The following IL1RAPL2 variants were observed in gnomAD, a reference collection of about 807,000 sequenced individuals.
The protein encoded by IL1RAPL2 is X-linked interleukin-1 receptor accessory protein-like 2.
In IL1RAPL2, 3 loss-of-function variants were observed where a neutral mutation model predicts 44.1. The observed-to-expected ratio is 0.07, with a 90% CI of 0.03 to 0.18. The LOEUF is 0.18. Among genes scored for constraint, IL1RAPL2 ranks in the 10% least tolerant of loss-of-function variants. IL1RAPL2 has a pLI of 1.00. For synonymous variants in IL1RAPL2, 181 were observed against 178.8 expected, an observed-to-expected ratio of 1.01 and a Z score of -0.10; for missense variants, 391 against 496.4, an observed-to-expected ratio of 0.79 and a Z score of 2.02.
chrX:104,761,917 CCTTCTCCTT>C (rs1569309875), intron 2 of IL1RAPL2, among the ~76,000 whole-genome samples: 33 of 30,817 alleles, frequency 1.1e-3, no homozygotes, highest in East Asian at 2.4e-3. Context: ...TTCTCCTTCT[CCTTCTCCTT>C]CTTCTTCTTC....
intron 6 of IL1RAPL2, among the ~76,000 whole-genome samples, chrX:105,584,951 C>T (rs777185066): frequency 3.6e-5 from 4 of 110,389 alleles, no homozygotes; most frequent in East Asian, 2.9e-4. Flanking sequence ...TTCAGTCTTT[C>T]GTCCTTCTGT....
At chrX:105,480,791 G>C (rs1248743557) in intron 5 of IL1RAPL2, among the ~76,000 whole-genome samples, 1 of 112,126 alleles carries the variant, frequency 8.9e-6, no homozygotes, top group Non-Finnish European at 1.9e-5. Context: ...ATGCACTCTA[G>C]CTAATCTGCA....
intron 3 of IL1RAPL2, among the ~76,000 whole-genome samples, chrX:105,231,511 T>C: frequency 8.9e-6 from 1 of 112,072 alleles, no homozygotes; most frequent in East Asian, 2.8e-4. Context: ...AAAAATAACA[T>C]GTCTCTCAAA....
chrX:104,842,569 T>C (rs1770067264), intron 2 of IL1RAPL2, among the ~76,000 whole-genome samples: 1 of 112,090 alleles, frequency 8.9e-6, no homozygotes, highest in Non-Finnish European at 1.9e-5. Context: ...TTGGATGCGG[T>C]ATTTGTGGGA....
chrX:104,737,044 A>C (rs1932024996), intron 2 of IL1RAPL2, among the ~76,000 whole-genome samples: 1 of 112,763 alleles, frequency 8.9e-6, no homozygotes, highest in African/African-American at 3.2e-5. Flanking sequence ...CAAAAGAACA[A>C]GAATTCTTTA....
intron 5 of IL1RAPL2, among the ~76,000 whole-genome samples, chrX:105,416,373 G>T (rs1276212064): frequency 9.0e-6 from 1 of 111,625 alleles, no homozygotes; most frequent in African/African-American, 3.3e-5. Flanking sequence ...TCTGTGCCTT[G>T]TCTAATCATC....
At chrX:104,766,833 G>A (rs1396582729) in intron 2 of IL1RAPL2, among the ~76,000 whole-genome samples, 4 of 111,991 alleles carry the variant, frequency 3.6e-5, no homozygotes, top group Non-Finnish European at 7.5e-5. Flanking sequence ...GCCAAGGTTC[G>A]TTTCTATTTT....
At chrX:105,292,191 C>A (rs1027180489) in intron 5 of IL1RAPL2, among the ~76,000 whole-genome samples, 6 of 111,922 alleles carry the variant, frequency 5.4e-5, no homozygotes, top group Admixed American at 9.5e-5. Context: ...TTCCAGATAA[C>A]CAATGTATGT....
chrX:105,338,923 A>C (rs111292714), intron 5 of IL1RAPL2, among the ~76,000 whole-genome samples: 6,753 of 110,529 alleles, frequency 0.061, 495 homozygotes, highest in African/African-American at 0.21. Context: ...AACGTGGTGA[A>C]ACCCTGTGTC....
At chrX:104,673,318 C>A (rs2147532782) in intron 2 of IL1RAPL2, among the ~76,000 whole-genome samples, 1 of 111,260 alleles carries the variant, frequency 9.0e-6, no homozygotes, top group African/African-American at 3.3e-5. Context: ...GTACATATGG[C>A]TAGCCAGTTT....
chrX:104,822,003 G>A (rs1215981925), intron 2 of IL1RAPL2, among the ~76,000 whole-genome samples: 1 of 112,321 alleles, frequency 8.9e-6, no homozygotes, highest in Non-Finnish European at 1.9e-5. Context: ...CAGTGATGAT[G>A]AGCTTCTTTT....
intron 6 of IL1RAPL2, among the ~76,000 whole-genome samples, chrX:105,701,796 T>C (rs774646980): frequency 8.9e-6 from 1 of 112,095 alleles, no homozygotes; most frequent in East Asian, 2.8e-4. Context: ...TGTGTTGTTG[T>C]TGATGGTTGT....
chrX:104,880,223 A>G (rs1923025923), intron 2 of IL1RAPL2, among the ~76,000 whole-genome samples: 2 of 111,580 alleles, frequency 1.8e-5, no homozygotes, highest in South Asian at 7.5e-4. Flanking sequence ...AATTGGGGAC[A>G]TATGGCCTTA....
rs1472538632 is a variant in IL1RAPL2 at position 104,987,869 on chromosome X, G to C, written c.83-207606G>C. Among the ~76,000 whole-genome samples the C allele has an allele frequency of 2.7e-5, 3 of 111,714 alleles. No individual in the cohort carries two copies. In the East Asian group the frequency reaches 8.4e-4, roughly 31 times the overall value. ...GTCTCCCCAGGCAAGAGGTATGGTA[G>C]CACAGCTCCCTCAAGTAAAGCATGT... On this transcript the variant is annotated intron_variant, in intron 2 of 10. Coordinates refer to ENST00000372582, the MANE Select transcript of IL1RAPL2 (RefSeq NM_017416.2).
chrX:105,356,160 GTA>G (rs374832724), intron 5 of IL1RAPL2, among the ~76,000 whole-genome samples: 4 of 99,392 alleles, frequency 4.0e-5, no homozygotes, highest in South Asian at 4.0e-4. Context: ...ATGTGTGTGT[GTA>G]TGTGTGTGTG....
intron 6 of IL1RAPL2, among the ~76,000 whole-genome samples, chrX:105,699,887 G>C (rs1327654806): frequency 1.8e-5 from 2 of 111,698 alleles, no homozygotes; most frequent in African/African-American, 6.5e-5. Flanking sequence ...GCAGAGAACA[G>C]ATTCTTAGCC....
intron 2 of IL1RAPL2, among the ~76,000 whole-genome samples, chrX:104,736,846 T>A (rs1245011407): frequency 8.9e-6 from 1 of 112,124 alleles, no homozygotes; most frequent in African/African-American, 3.2e-5. Context: ...ACTGTAGGCA[T>A]AGAACATGAA....
chrX:104,802,505 A>T (rs1432434019), intron 2 of IL1RAPL2, among the ~76,000 whole-genome samples: 2 of 111,433 alleles, frequency 1.8e-5, no homozygotes, highest in Admixed American at 9.6e-5. Flanking sequence ...AATAAATTTT[A>T]TATGACTATC....
intron 5 of IL1RAPL2, among the ~76,000 whole-genome samples, chrX:105,440,101 C>T (rs1333894159): frequency 8.9e-6 from 1 of 111,882 alleles, no homozygotes; most frequent in Non-Finnish European, 1.9e-5. Flanking sequence ...GGGTTATCCT[C>T]TTGGAAAAGG....
Sources: allele counts gnomAD v4.1 joint callset (sites outside exome capture counted in the v4.1 genomes callset), GRCh38; gene constraint gnomAD v4.1.1; transcripts MANE v1.5; gene names NCBI Gene and HGNC (gene_info 2026-07-23, HGNC 2026-07-21).